GALNT6: variants seen among roughly 807,000 people sequenced by gnomAD.
GALNT6 encodes GalNAc transferase 6.
In GALNT6, 51 loss-of-function variants were observed where a neutral mutation model predicts 65.9. The observed-to-expected ratio is 0.77, with a 90% CI of 0.62 to 0.98. The LOEUF (loss-of-function observed/expected upper bound fraction) is 0.98, where lower values mean the gene tolerates loss of function less well. Among genes scored for constraint, GALNT6 ranks in the 50% least tolerant of loss-of-function variants. GALNT6 has a pLI of 0.00. For synonymous variants in GALNT6, 323 were observed against 315.1 expected (o/e 1.02, Z -0.26); for missense variants, 708 against 803.3 (o/e 0.88, Z 1.43).
chr12:51,375,623 T>C (rs1231512004), intron 4 of GALNT6, among the ~76,000 whole-genome samples: 3 of 151,518 alleles, frequency 2.0e-5, no homozygotes, highest in Non-Finnish European at 4.4e-5. Flanking sequence ...AGTAACATGA[T>C]CTCGGCTCAC....
chr12:51,390,580 T>C (rs1948037003), intron 2 of GALNT6, among the ~76,000 whole-genome samples: 1 of 152,260 alleles, frequency 6.6e-6, no homozygotes, highest in South Asian at 2.1e-4. Context: ...CTCATCTGTC[T>C]GGAGCGGAGA....
At chr12:51,357,554 A>G in intron 9 of GALNT6, 104 bp from the exon 10 acceptor site, 1 of 729,286 alleles carries the variant, frequency 1.4e-6, no homozygotes, top group South Asian at 1.5e-5. Flanking sequence ...AACTGCAACA[A>G]ATTTGCATGG....
At chr12:51,357,930 T>C (rs974619854) in intron 9 of GALNT6, among the ~76,000 whole-genome samples, 200 bp downstream of exon 9, 1 of 152,184 alleles carries the variant, frequency 6.6e-6, no homozygotes, top group African/African-American at 2.4e-5. Flanking sequence ...GGACCACTGC[T>C]TGTGGGTTGT....
chr12:51,378,230 C>CT, intron 3 of GALNT6, among the ~76,000 whole-genome samples: 1 of 152,144 alleles, frequency 6.6e-6, no homozygotes, highest in Non-Finnish European at 1.5e-5. Context: ...TCTTAGCTCC[C>CT]TGCAACCTCC....
At chr12:51,359,738 G>C (rs953385153) in intron 7 of GALNT6, 1 of 155,946 alleles carries the variant, frequency 6.4e-6, no homozygotes, top group African/African-American at 2.4e-5. Context: ...TTAATTAATA[G>C]CAAGGATAGT....
intron 4 of GALNT6, among the ~76,000 whole-genome samples, chr12:51,373,890 C>T (rs1275591651): frequency 6.6e-6 from 1 of 152,164 alleles, no homozygotes; most frequent in South Asian, 2.1e-4. Context: ...GACTGGGTCT[C>T]ACTCTATTGC....
At chr12:51,369,118 G>C (rs904815470) in intron 4 of GALNT6, among the ~76,000 whole-genome samples, 1 of 152,202 alleles carries the variant, frequency 6.6e-6, no homozygotes, top group Non-Finnish European at 1.5e-5. Flanking sequence ...GGAAGTTCAC[G>C]GTAGTGGAGA....
At chr12:51,369,734 G>A (rs1488635877) in intron 4 of GALNT6, among the ~76,000 whole-genome samples, 1 of 152,032 alleles carries the variant, frequency 6.6e-6, no homozygotes, top group East Asian at 1.9e-4. Context: ...GTCAGTACAC[G>A]GTGCCAGCAT....
At chr12:51,377,829 C>T (rs1947514312) in intron 3 of GALNT6, among the ~76,000 whole-genome samples, 1 of 152,202 alleles carries the variant, frequency 6.6e-6, no homozygotes, top group Non-Finnish European at 1.5e-5. Flanking sequence ...GAAGAAAAGG[C>T]TCTTCCCTTT....
intron 3 of GALNT6, among the ~76,000 whole-genome samples, chr12:51,378,627 T>C (rs1947540406): frequency 6.6e-6 from 1 of 152,194 alleles, no homozygotes; most frequent in African/African-American, 2.4e-5. Flanking sequence ...GTATAACACT[T>C]GACCTGGAAA....
At position 51,387,988 on chromosome 12, in the gene GALNT6, G is replaced by A. The variant is rs1005162940; in HGVS notation, c.-104+2862C>T. 1.3e-5 allele frequency among the ~76,000 whole-genome samples: 2 copies of A among 152,072 alleles called. No homozygotes were observed. Among genetic ancestry groups the A allele is most frequent in the Admixed American group, 1.3e-4 (2 of 15,248 alleles). ...GGCTACTCAATGTACCATCCCCTGG[G>A]CTCAGGGTCTGTGCCCAGCCTCCTC... On this transcript the variant is annotated intron_variant, in intron 2 of 11. Transcript: ENST00000356317. The surrounding 1 kb of genome is among the most constrained non-coding windows in gnomAD (Gnocchi z 4.2).
rs1947579230 is a variant in GALNT6, at chr12:51,379,355, T to G, written c.427A>C (p.Asn143His). The change falls in exon 3 of 12, where the codon AAT (asparagine) becomes CAT (histidine). Residue 143 changes from asparagine to histidine, a missense_variant. By Grantham distance (68) the Asn-to-His change is moderately conservative (BLOSUM62 1). Transcript: ENST00000356317. ...KEEGYKKHCF[N>H]AFASDRISLQ... ...GAGATCCGGTCGCTGGCAAAGGCAT[T>G]GAAACAGTGCTTCTTATAGCCTTCT... is the stretch of plus-strand genomic sequence containing the variant. The G allele has an allele frequency of 1.3e-6, 2 of 1,551,386 alleles. No individual in the cohort carries two copies. Among genetic ancestry groups the G allele is most frequent in the Non-Finnish European group, 1.7e-6 (2 of 1,152,984 alleles).
Position 51,360,577 on chromosome 12 carries a change from G to C in GALNT6, c.1167+144C>G. ...TGCCATGGACAGGGGGAGCAGAAAA[G>C]AGGAAGAGACACACTGGGAAATAGC... On this transcript the variant is annotated intron_variant, in intron 7 of 11. Coordinates refer to ENST00000356317, the MANE Select transcript of GALNT6 (RefSeq NM_007210.4). 4.6e-6 allele frequency: 3 copies of C among 653,218 alleles called. No individual in the cohort carries two copies. The South Asian group carries it at 5.5e-5, about 12-fold the overall frequency. The allele number at this position is 653,218 out of a possible 1,614,324, so 40.5% of individuals were successfully genotyped here.
chr12:51,373,358 A>G (rs1592337867), intron 4 of GALNT6, among the ~76,000 whole-genome samples: 1 of 152,116 alleles, frequency 6.6e-6, no homozygotes, highest in East Asian at 1.9e-4. Context: ...CCACCATGCT[A>G]TCCTTGTGAT....
In GALNT6 at chr12:51,351,711, C is replaced by T. The variant is rs977152594; in HGVS notation, c.*2668G>A. On this transcript the variant is annotated 3_prime_UTR_variant, in exon 12 of 12. Transcript: ENST00000356317. Reference sequence around the variant, plus strand: ...CCTCGTTTGACGTCTCACGTCTCCACGTGCTTGACACAATACATAAGCTAG... The same window carrying T: ...CCTCGTTTGACGTCTCACGTCTCCATGTGCTTGACACAATACATAAGCTAG... The T allele has an allele frequency of 4.6e-5, 7 of 152,230 alleles. No individual in the cohort carries two copies. Among genetic ancestry groups the T allele is most frequent in the East Asian group, 1.9e-4 (1 of 5,204 alleles). The allele number at this position is 152,230 out of a possible 1,614,324, so 9.4% of individuals were successfully genotyped here.
intron 11 of GALNT6, 116 bp from the exon 12 acceptor site, chr12:51,354,608 AGAGGACACTT>A: frequency 3.1e-6 from 2 of 644,024 alleles, no homozygotes; most frequent in Non-Finnish European, 5.4e-6. Context: ...CAAGGCACAA[AGAGGACACTT>A]CCCCATTCCT....
intron 2 of GALNT6, among the ~76,000 whole-genome samples, chr12:51,385,222 G>A (rs1947795080): frequency 6.6e-6 from 1 of 152,076 alleles, no homozygotes; most frequent in African/African-American, 2.4e-5. Context: ...CTCCTAGGCC[G>A]AAGCAATCCT....
At position 51,387,348 on chromosome 12, in the gene GALNT6, C is replaced by T. The variant is rs1170900986; in HGVS notation, c.-104+3502G>A. On this transcript the variant is annotated intron_variant, in intron 2 of 11. Coordinates refer to ENST00000356317, the MANE Select transcript of GALNT6 (RefSeq NM_007210.4). This position sits in a 1 kb window ranked among gnomAD's most constrained non-coding sequence, Gnocchi z 4.2. ...CTCCTGACCTCAAGTGATCTGTCTGCCTCGGCCTCCCAAAGTACTAGGATT... is the reference window on the plus strand; with the variant it reads ...CTCCTGACCTCAAGTGATCTGTCTGTCTCGGCCTCCCAAAGTACTAGGATT... 1.4e-4 allele frequency among the ~76,000 whole-genome samples: 21 copies of T among 152,168 alleles called. 1 individual carries two copies.
Position 51,365,461 on chromosome 12 carries a change from C to A in GALNT6, c.783G>T (p.Gln261His). Residue 261 changes from glutamine to histidine, a missense_variant, in exon 5 of 12, where the codon CAG (glutamine) becomes CAT (histidine). Gln to His is a conservative substitution (Grantham distance 24, BLOSUM62 0). Transcript: ENST00000356317. ...TARLLGASVAQAEVLTFLDAH... is the reference protein window; with the variant it reads ...TARLLGASVAHAEVLTFLDAH... ...CATCCAGGAACGTGAGCACCTCCGC[C>A]TGTGCCACGCTGGCCCCCAGCAGCC... 1 of 1,611,844 alleles carries A rather than the reference C, an allele frequency of 6.2e-7. No individual in the cohort carries two copies. Among genetic ancestry groups the A allele is most frequent in the Non-Finnish European group, 8.5e-7 (1 of 1,179,796 alleles).
Sources: gnomAD v4.1 joint callset for allele counts (sites outside exome capture counted in the v4.1 genomes callset) on GRCh38, gnomAD v4.1.1 for gene constraint, Gnocchi (gnomAD v3.1) non-coding constraint, MANE v1.5 for transcripts, NCBI Gene and HGNC (gene_info 2026-07-23, HGNC 2026-07-21) for gene names.